The following ITPR1 variants were observed in gnomAD, a reference collection of about 807,000 sequenced individuals.
ITPR1 encodes inositol 1,4,5-trisphosphate receptor type 1, also known as inositol 1,4,5-trisphosphate-gated calcium channel ITPR1.
In ITPR1, 96 loss-of-function variants were observed where a neutral mutation model predicts 318.4. That is an observed-to-expected ratio of 0.30 (90% CI 0.26 to 0.36). The LOEUF is 0.36. Ranked by LOEUF, ITPR1 falls within the 10% of genes least tolerant of loss-of-function variation. The pLI is 1.00. For synonymous variants in ITPR1, 1,312 were observed against 1,289.9 expected, an observed-to-expected ratio of 1.02 and a Z score of -0.37; for missense variants, 2,440 against 3,460.2, an observed-to-expected ratio of 0.71 and a Z score of 7.40.
intron 4 of ITPR1, among the ~76,000 whole-genome samples, chr3:4,601,499 C>CAA (rs33950775): frequency 3.0e-5 from 4 of 131,600 alleles, no homozygotes; most frequent in Admixed American, 1.5e-4. Context: ...GACCCTGTCT[C>CAA]AAAAAAAAAA....
In ITPR1 at chr3:4,627,898, T is replaced by C. The variant is rs765734360; in HGVS notation, c.279+20T>C. The C allele has an allele frequency of 2.0e-6, 3 of 1,511,392 alleles. No individual in the cohort carries two copies. The highest frequency in any genetic ancestry group is 1.8e-6 in the Non-Finnish European group (2 of 1,091,640). The allele number at this position is 1,511,392 out of a possible 1,614,324, so 93.6% of individuals were successfully genotyped here. A position where few individuals can be genotyped will look rare whatever the true frequency, so the allele number is the denominator to read the frequency against. The stretch of plus-strand genomic sequence containing the variant: ...CTGCACGTACGTATTGCCATGGGGC[T>C]GTCGATGGGGCAGTAGTGAGTGGCT... On this transcript the variant is annotated intron_variant, in intron 5 of 61. Coordinates refer to ENST00000649015, the MANE Select transcript of ITPR1 (RefSeq NM_001378452.1).
intron 4 of ITPR1, among the ~76,000 whole-genome samples, chr3:4,607,541 C>A (rs1048046898): frequency 1.3e-5 from 2 of 152,152 alleles, no homozygotes; most frequent in African/African-American, 4.8e-5. Context: ...GAGTTTTATA[C>A]ACATAGTGCT....
intron 41 of ITPR1, 44 bp downstream of exon 41, chr3:4,725,625 T>C (rs531355730): frequency 2.6e-6 from 4 of 1,528,200 alleles, no homozygotes; most frequent in East Asian, 2.2e-5. Context: ...CCAGCAAATA[T>C]GGATGCCTCT....
rs4685784 is a variant in ITPR1, at chr3:4,641,922, G to C, written c.367-171G>C. Among the ~76,000 whole-genome samples the C allele has an allele frequency of 0.99, 151,379 of 152,348 alleles. 75,216 individuals carry two copies. Among genetic ancestry groups the C allele is most frequent in the East Asian group, 1 (5,184 of 5,184 alleles). On this transcript the variant is annotated intron_variant, in intron 6 of 61. Coordinates refer to ENST00000649015, the MANE Select transcript of ITPR1 (RefSeq NM_001378452.1). Reference sequence around the variant, plus strand: ...GCCCTCTCTTTCTGCTCCCTTTTCTGTTCTTCCTTTTCTAATCATCTGCAG... The same window carrying C: ...GCCCTCTCTTTCTGCTCCCTTTTCTCTTCTTCCTTTTCTAATCATCTGCAG...
chr3:4,792,338 T>C (rs1267025504), intron 52 of ITPR1, among the ~76,000 whole-genome samples: 1 of 152,224 alleles, frequency 6.6e-6, no homozygotes, highest in Non-Finnish European at 1.5e-5. Context: ...GCACGTTATT[T>C]GGCTGCCACA....
At chr3:4,820,082 A>G (rs1471899305) in intron 60 of ITPR1, among the ~76,000 whole-genome samples, 2 of 152,242 alleles carry the variant, frequency 1.3e-5, no homozygotes, top group Non-Finnish European at 1.5e-5. Flanking sequence ...GATGGGTGCC[A>G]GTGTGGATTT....
intron 18 of ITPR1, 65 bp downstream of exon 18, chr3:4,667,614 G>T (rs1325042253): frequency 6.8e-7 from 1 of 1,472,350 alleles, no homozygotes; most frequent in Non-Finnish European, 9.2e-7. Context: ...GACTTAGCTG[G>T]TGCTTTTTAC....
chr3:4,689,092 AC>A (rs1356282350), intron 31 of ITPR1, among the ~76,000 whole-genome samples: 1 of 152,180 alleles, frequency 6.6e-6, no homozygotes, highest in Non-Finnish European at 1.5e-5. Context: ...ATGATGCCAC[AC>A]TCTATGCATT....
chr3:4,672,326 T>C (rs549440555), intron 20 of ITPR1, among the ~76,000 whole-genome samples: 62 of 152,358 alleles, frequency 4.1e-4, no homozygotes, highest in African/African-American at 1.5e-3. Context: ...CTTTTTAATT[T>C]TTGGTAATTT....
intron 4 of ITPR1, among the ~76,000 whole-genome samples, chr3:4,548,263 C>A (rs554359896): frequency 1.3e-5 from 2 of 152,234 alleles, no homozygotes; most frequent in South Asian, 4.2e-4. Flanking sequence ...CAGTTTTTCA[C>A]CTTTGTACTG....
rs1434134192 is a variant in ITPR1 at position 4,782,754 on chromosome 3, C to A, written c.6510+13C>A. 6.8e-7 allele frequency: 1 copy of A among 1,472,350 alleles called. No individual in the cohort carries two copies. The highest frequency in any genetic ancestry group is 9.0e-7 in the Non-Finnish European group (1 of 1,105,826). 91.2% of individuals were successfully genotyped at this position (1,472,350 alleles called of 1,614,324 possible). A position where few individuals can be genotyped will look rare whatever the true frequency, so the allele number is the denominator to read the frequency against. ...ATTAGCCCATCAGGTATGATCTCTC[C>A]TGTGCCTCCTCTGGATGCTGCCTCC... On this transcript the variant is annotated intron_variant, in intron 50 of 61. Coordinates refer to ENST00000649015, the MANE Select transcript of ITPR1 (RefSeq NM_001378452.1).
At chr3:4,748,302 A>G (rs1186871992) in intron 44 of ITPR1, among the ~76,000 whole-genome samples, 2 of 152,148 alleles carry the variant, frequency 1.3e-5, no homozygotes, top group East Asian at 1.9e-4. Flanking sequence ...AGCTCTGCCT[A>G]CTAGAGAGCA....
intron 4 of ITPR1, among the ~76,000 whole-genome samples, chr3:4,568,958 C>T (rs1284572320): frequency 6.6e-6 from 1 of 152,040 alleles, no homozygotes. Context: ...GAAGGTATGT[C>T]ACATGGCAAA....
intron 46 of ITPR1, among the ~76,000 whole-genome samples, chr3:4,773,081 G>A (rs533042835): frequency 3.5e-4 from 53 of 152,364 alleles, no homozygotes; most frequent in Non-Finnish European, 6.9e-4. Flanking sequence ...GTGGTCCTTG[G>A]TGAGTTGATC....
intron 44 of ITPR1, chr3:4,750,487 C>G (rs1191034976): frequency 6.6e-6 from 1 of 152,108 alleles, no homozygotes; most frequent in Non-Finnish European, 1.5e-5. Context: ...TATTTATATC[C>G]TCCTTGCTCA....
chr3:4,627,929 G>A, intron 5 of ITPR1, 51 bp downstream of exon 5: 1 of 1,096,336 alleles, frequency 9.1e-7, no homozygotes, highest in Admixed American at 2.0e-5. Flanking sequence ...TGGCTGCCTT[G>A]GTGGTATCTG....
intron 2 of ITPR1, among the ~76,000 whole-genome samples, chr3:4,495,416 G>A (rs181670274): frequency 6.6e-6 from 1 of 152,264 alleles, no homozygotes; most frequent in East Asian, 1.9e-4. Context: ...TCATTATAGT[G>A]GTATAGTGCT....
At position 4,665,271 on chromosome 3, in the gene ITPR1, C is replaced by T. The variant is rs1366732368; in HGVS notation, c.1688C>T (p.Ser563Leu). The T allele has an allele frequency of 4.3e-6, 7 of 1,612,948 alleles. No homozygotes were observed. Among genetic ancestry groups the T allele is most frequent in the Non-Finnish European group, 5.9e-6 (7 of 1,179,060 alleles). ...CTCTGCTACAGGGTGCTGAGACACT[C>T]GCAGCAAGACTACAGGAAGAACCAG... ...CRLCYRVLRH[S>L]QQDYRKNQEY... Residue 563 changes from serine (S) to leucine (L), a missense_variant, in exon 17 of 62, where the codon TCG (serine) becomes TTG (leucine). This residue lies in a region of ITPR1 where 478 missense variants were observed against 696.3 expected (regional missense o/e 0.69). Coordinates refer to ENST00000649015, the MANE Select transcript of ITPR1 (RefSeq NM_001378452.1).
intron 18 of ITPR1, among the ~76,000 whole-genome samples, chr3:4,668,214 AT>A (rs60932812): frequency 0.027 from 3,205 of 117,654 alleles, 34 homozygotes; most frequent in African/African-American, 0.032. Flanking sequence ...CGTTCTTTCT[AT>A]TTTTTTTTTT....
Sources: gnomAD v4.1 joint callset for allele counts (sites outside exome capture counted in the v4.1 genomes callset) on GRCh38, gnomAD v4.1.1 for gene constraint, gnomAD v4.1.1 regional missense constraint, MANE v1.5 for transcripts, NCBI Gene and HGNC (gene_info 2026-07-23, HGNC 2026-07-21) for gene names.